Variants in GALNTL6 observed in about 807,000 individuals in gnomAD.
GALNTL6 encodes the protein polypeptide N-acetylgalactosaminyltransferase-like 6.
In GALNTL6, 46 loss-of-function variants were observed where a neutral mutation model predicts 73.7. That is an observed-to-expected ratio of 0.62 (90% confidence interval 0.49 to 0.80). GALNTL6 has a LOEUF of 0.80. Among genes scored for constraint, GALNTL6 ranks in the 30% least tolerant of loss-of-function variants. GALNTL6 has a pLI of 0.00. For synonymous variants in GALNTL6, 259 were observed against 263.7 expected (o/e 0.98, Z 0.17); for missense variants, 604 against 755.0 (o/e 0.80, Z 2.34).
At chr4:172,033,451 T>C (rs1741832346) in intron 2 of GALNTL6, among the ~76,000 whole-genome samples, 1 of 151,990 alleles carries the variant, frequency 6.6e-6, no homozygotes, top group African/African-American at 2.4e-5. Flanking sequence ...CACTAAAAAA[T>C]TAGAATGTCT....
chr4:172,737,525 A>G (rs189730030), intron 5 of GALNTL6, among the ~76,000 whole-genome samples: 3 of 152,164 alleles, frequency 2.0e-5, no homozygotes, highest in Non-Finnish European at 4.4e-5. Flanking sequence ...TTGATTTTCT[A>G]TATTATCTTG....
chr4:172,917,939 C>G (rs1747606760), intron 8 of GALNTL6, among the ~76,000 whole-genome samples: 1 of 152,184 alleles, frequency 6.6e-6, no homozygotes, highest in Non-Finnish European at 1.5e-5. Context: ...ACTATAAAGA[C>G]ACATGCACAC....
chr4:171,920,512 A>T (rs1414233605), intron 2 of GALNTL6, among the ~76,000 whole-genome samples: 1 of 152,172 alleles, frequency 6.6e-6, no homozygotes, highest in African/African-American at 2.4e-5. Flanking sequence ...TTTATCCAGG[A>T]ATATATCAAA....
chr4:173,024,354 T>C (rs1753142354), intron 12 of GALNTL6, among the ~76,000 whole-genome samples: 1 of 152,238 alleles, frequency 6.6e-6, no homozygotes, highest in Admixed American at 6.5e-5. Flanking sequence ...GTATTTATAC[T>C]TAATCAGGAA....
chr4:172,174,294 A>G (rs920729750), intron 2 of GALNTL6, among the ~76,000 whole-genome samples: 4 of 152,192 alleles, frequency 2.6e-5, no homozygotes, highest in African/African-American at 7.2e-5. Flanking sequence ...TTTATTCTCA[A>G]TTTCCTTCTT....
Position 171,959,706 on chromosome 4 carries a change from G to A in GALNTL6, c.138+144988G>A, listed in dbSNP as rs542791831. On this transcript the variant is annotated intron_variant, in intron 2 of 12. Transcript: ENST00000506823. ...TGTAAAGAAAGAGAAATCTGTTTAT[G>A]AGAATGACTGGATCCTATAGAGCAA... Among the ~76,000 whole-genome samples the A allele has an allele frequency of 2.0e-5, 3 of 152,282 alleles. No homozygotes were observed. The East Asian group carries it at 5.8e-4, about 29-fold the overall frequency.
intron 5 of GALNTL6, among the ~76,000 whole-genome samples, chr4:172,792,144 T>C (rs1034564115): frequency 2.0e-5 from 3 of 152,146 alleles, no homozygotes; most frequent in Non-Finnish European, 2.9e-5. Context: ...TTACATTTCA[T>C]GAGAATTCAT....
chr4:172,123,781 G>A (rs1029182902), intron 2 of GALNTL6, among the ~76,000 whole-genome samples: 1 of 152,138 alleles, frequency 6.6e-6, no homozygotes, highest in Non-Finnish European at 1.5e-5. Context: ...TTACAGGCAT[G>A]AGCCACTGTG....
intron 2 of GALNTL6, among the ~76,000 whole-genome samples, chr4:172,229,422 A>G (rs1256694117): frequency 6.6e-6 from 1 of 152,204 alleles, no homozygotes; most frequent in Non-Finnish European, 1.5e-5. Flanking sequence ...GATGAAATAA[A>G]ATAGGGAATG....
chr4:172,737,066 T>G (rs547959479), intron 5 of GALNTL6, among the ~76,000 whole-genome samples: 1 of 152,318 alleles, frequency 6.6e-6, no homozygotes, highest in African/African-American at 2.4e-5. Context: ...TTATTATCAG[T>G]ATAAAAAAGG....
rs1388815655 is a variant in GALNTL6 at position 172,198,755 on chromosome 4, C to CT, written c.139-30898dup. 2.0e-5 allele frequency among the ~76,000 whole-genome samples: 3 copies of CT among 152,184 alleles called. No individual in the cohort carries two copies. The East Asian group carries it at 5.8e-4, about 29-fold the overall frequency. On this transcript the variant is annotated intron_variant, in intron 2 of 12. Transcript: ENST00000506823. Reference sequence around the variant, plus strand: ...CATATAATCCTTCTTCTTAGAGATGCTTTAAAATCCAGTGCCTACTTGCCT... The same window carrying CT: ...CATATAATCCTTCTTCTTAGAGATGCTTTTAAAATCCAGTGCCTACTTGCCT...
At chr4:172,954,232 C>T (rs1434885363) in intron 10 of GALNTL6, among the ~76,000 whole-genome samples, 3 of 152,180 alleles carry the variant, frequency 2.0e-5, no homozygotes, top group South Asian at 2.1e-4. Flanking sequence ...TAAACCATAA[C>T]CTGAATTTAT....
chr4:172,903,013 A>G lies in GALNTL6; in HGVS notation c.1041+20106A>G, dbSNP rs115515362. Among the ~76,000 whole-genome samples, 268 of 152,312 alleles carry G rather than the reference A, an allele frequency of 1.8e-3. 1 individual carries two copies. The highest frequency in any genetic ancestry group is 6.0e-3 in the African/African-American group (249 of 41,576). ...AATATATTTTATTCCCACATTCACC[A>G]TAATAATTCAAGACATAGCCAATAG... On this transcript the variant is annotated intron_variant, in intron 8 of 12. Transcript: ENST00000506823.
intron 2 of GALNTL6, among the ~76,000 whole-genome samples, chr4:171,906,868 A>G (rs1408497436): frequency 2.6e-5 from 4 of 152,380 alleles, no homozygotes; most frequent in South Asian, 4.1e-4. Flanking sequence ...GTAATCCAGC[A>G]TATAAACAGA....
At chr4:171,914,665 C>T (rs1456390076) in intron 2 of GALNTL6, among the ~76,000 whole-genome samples, 1 of 151,412 alleles carries the variant, frequency 6.6e-6, no homozygotes, top group Non-Finnish European at 1.5e-5. Context: ...ATCTGCCCGT[C>T]TTGTCCTCCC....
chr4:172,754,455 C>T (rs1412891204), intron 5 of GALNTL6, among the ~76,000 whole-genome samples: 1 of 151,968 alleles, frequency 6.6e-6, no homozygotes, highest in African/African-American at 2.4e-5. Context: ...GCCTGTAATC[C>T]CAGCTACTGA....
intron 2 of GALNTL6, among the ~76,000 whole-genome samples, chr4:172,000,020 T>C (rs557007975): frequency 3.0e-4 from 45 of 152,290 alleles, no homozygotes; most frequent in Middle Eastern, 6.8e-3. Flanking sequence ...ATTCAAATCA[T>C]GATGGTCCTG....
rs117222389 is a variant in GALNTL6, at chr4:172,238,362, A to C, written c.247+8598A>C. 6.1e-4 allele frequency among the ~76,000 whole-genome samples: 93 copies of C among 152,088 alleles called. No individual in the cohort carries two copies. The East Asian group carries it at 0.01, about 17-fold the overall frequency. ...TAGGTATTTTATCTTTTCTGTGGCT[A>C]TTGTGGATAGGACTGCATTCTTAAT... On this transcript the variant is annotated intron_variant, in intron 3 of 12. Coordinates refer to ENST00000506823, the MANE Select transcript of GALNTL6 (RefSeq NM_001034845.3).
At chr4:172,686,839 G>C (rs1579337308) in intron 5 of GALNTL6, among the ~76,000 whole-genome samples, 1 of 152,016 alleles carries the variant, frequency 6.6e-6, no homozygotes, top group East Asian at 1.9e-4. Context: ...TCTATCCATG[G>C]TTGACATAAT....
Sources: allele counts gnomAD v4.1 joint callset (sites outside exome capture counted in the v4.1 genomes callset), GRCh38; gene constraint gnomAD v4.1.1; transcripts MANE v1.5; gene names NCBI Gene and HGNC (gene_info 2026-07-23, HGNC 2026-07-21).